The following RBFOX1 variants were observed in gnomAD, a reference collection of about 807,000 sequenced individuals.
RBFOX1 encodes the protein RNA binding protein fox-1 homolog 1.
Under a neutral mutation model 57.7 loss-of-function variants are expected in RBFOX1, and 8 were observed. That is an observed-to-expected ratio of 0.14 (90% CI 0.08 to 0.25). RBFOX1 has a LOEUF of 0.25. Ranked by LOEUF, RBFOX1 falls within the 10% of genes least tolerant of loss-of-function variation. The probability of loss-of-function intolerance (pLI) is 1.00; values close to 1 mark genes in which losing one functional copy is unlikely to be tolerated. For missense variants in RBFOX1, 611 were observed against 548.5 expected, an observed-to-expected ratio of 1.11 and a Z score of -1.14; for synonymous variants, 326 against 222.4, an observed-to-expected ratio of 1.47 and a Z score of -4.15.
chr16:6,908,130 G>T (rs1005312582), intron 3 of RBFOX1, among the ~76,000 whole-genome samples: 1 of 151,706 alleles, frequency 6.6e-6, no homozygotes, highest in African/African-American at 2.4e-5. Context: ...ACATGTTTTG[G>T]AGGGAAACAA....
chr16:7,157,507 C>G (rs1219361391), intron 4 of RBFOX1, among the ~76,000 whole-genome samples: 1 of 152,052 alleles, frequency 6.6e-6, no homozygotes, highest in African/African-American at 2.4e-5. Flanking sequence ...CGTTGGGGGC[C>G]TGTGGAACTA....
At chr16:5,356,852 C>T (rs939844482) in intron 1 of RBFOX1, among the ~76,000 whole-genome samples, 2 of 152,142 alleles carry the variant, frequency 1.3e-5, no homozygotes, top group Admixed American at 1.3e-4. Flanking sequence ...GATAGTAATA[C>T]TATTGATAAT....
At chr16:7,071,035 CA>C (rs1567150949) in intron 4 of RBFOX1, among the ~76,000 whole-genome samples, 1 of 152,080 alleles carries the variant, frequency 6.6e-6, no homozygotes, top group African/African-American at 2.4e-5. Context: ...AAATGAACTT[CA>C]AAAAACAGCA....
chr16:6,860,743 G>C (rs76783038), intron 3 of RBFOX1, among the ~76,000 whole-genome samples: 4,319 of 152,172 alleles, frequency 0.028, 214 homozygotes, highest in East Asian at 0.21. Flanking sequence ...TGCCAGTGTG[G>C]ATAAATCTGA....
chr16:6,332,731 A>G (rs1466073693), intron 2 of RBFOX1, among the ~76,000 whole-genome samples: 2 of 152,084 alleles, frequency 1.3e-5, no homozygotes, highest in Non-Finnish European at 1.5e-5. Context: ...AGTGTATAGG[A>G]GTCTACTGTT....
intron 11 of RBFOX1, among the ~76,000 whole-genome samples, chr16:7,635,358 T>C (rs554853913): frequency 1.3e-5 from 2 of 152,344 alleles, no homozygotes; most frequent in South Asian, 2.1e-4. Flanking sequence ...TTCTTCAGGA[T>C]TTTATGAATA....
intron 3 of RBFOX1, among the ~76,000 whole-genome samples, chr16:6,743,625 C>T (rs940171816): frequency 1.3e-5 from 2 of 151,726 alleles, no homozygotes; most frequent in African/African-American, 4.8e-5. Flanking sequence ...TGTCTGTAGT[C>T]CCAGCTACGT....
chr16:7,227,929 G>C (rs2093252459), intron 4 of RBFOX1, among the ~76,000 whole-genome samples: 1 of 152,208 alleles, frequency 6.6e-6, no homozygotes, highest in African/African-American at 2.4e-5. Flanking sequence ...TTTTTCCACA[G>C]CCAGACAATT....
chr16:6,511,453 T>G (rs1332409884), intron 2 of RBFOX1, among the ~76,000 whole-genome samples: 1 of 152,206 alleles, frequency 6.6e-6, no homozygotes, highest in Non-Finnish European at 1.5e-5. Flanking sequence ...GGCCCTGGAC[T>G]GACATGGGAG....
chr16:7,667,956 G>A (rs1345294422), intron 13 of RBFOX1, among the ~76,000 whole-genome samples: 2 of 152,154 alleles, frequency 1.3e-5, no homozygotes, highest in South Asian at 4.1e-4. Context: ...TTACAGACGT[G>A]AGCCACTGCA....
intron 3 of RBFOX1, among the ~76,000 whole-genome samples, chr16:5,804,404 A>T (rs1222897391): frequency 6.6e-6 from 1 of 152,230 alleles, no homozygotes; most frequent in African/African-American, 2.4e-5. Context: ...GTAATCCAGA[A>T]GGACGTTAGT....
intron 4 of RBFOX1, among the ~76,000 whole-genome samples, chr16:7,445,711 G>A (rs1042460649): frequency 7.2e-5 from 11 of 152,194 alleles, no homozygotes; most frequent in African/African-American, 2.7e-4. Flanking sequence ...TTGTTGTTGT[G>A]TGGTTTTTGT....
At chr16:7,485,478 G>T (rs1221623921) in intron 4 of RBFOX1, among the ~76,000 whole-genome samples, 1 of 152,152 alleles carries the variant, frequency 6.6e-6, no homozygotes, top group Non-Finnish European at 1.5e-5. Context: ...CCTCCCACAT[G>T]TGCTTTTTTT....
intron 2 of RBFOX1, among the ~76,000 whole-genome samples, chr16:5,473,126 C>G (rs998513104): frequency 1.3e-5 from 2 of 152,196 alleles, no homozygotes; most frequent in Non-Finnish European, 2.9e-5. Flanking sequence ...TTGCCCTGTT[C>G]TGTCTTTTCC....
intron 3 of RBFOX1, among the ~76,000 whole-genome samples, chr16:6,909,801 C>T (rs1156507134): frequency 2.0e-5 from 3 of 152,114 alleles, no homozygotes; most frequent in Non-Finnish European, 2.9e-5. Context: ...CTGCAGCCAT[C>T]GGTCTTCTGT....
chr16:7,028,364 G>A (rs2041606992), intron 3 of RBFOX1, among the ~76,000 whole-genome samples: 2 of 151,998 alleles, frequency 1.3e-5, no homozygotes, highest in East Asian at 1.9e-4. Flanking sequence ...TAGATGGGAT[G>A]GATTTTATCT....
intron 2 of RBFOX1, among the ~76,000 whole-genome samples, chr16:6,490,517 T>A (rs919174332): frequency 6.6e-6 from 1 of 152,216 alleles, no homozygotes; most frequent in Non-Finnish European, 1.5e-5. Context: ...AATCTAAATT[T>A]GTACGTTACT....
intron 4 of RBFOX1, among the ~76,000 whole-genome samples, chr16:7,415,524 C>T (rs999879858): frequency 1.3e-5 from 2 of 152,188 alleles, no homozygotes; most frequent in African/African-American, 4.8e-5. Flanking sequence ...GCCCTGGCAT[C>T]CAAACTGGGT....
intron 3 of RBFOX1, among the ~76,000 whole-genome samples, chr16:6,850,945 G>T (rs1567553279): frequency 6.6e-6 from 1 of 152,150 alleles, no homozygotes; most frequent in African/African-American, 2.4e-5. Context: ...AGCTTTATTT[G>T]TAATAATAGC....
Sources: allele counts gnomAD v4.1 joint callset (sites outside exome capture counted in the v4.1 genomes callset), GRCh38; gene constraint gnomAD v4.1.1; transcripts MANE v1.5; gene names NCBI Gene and HGNC (gene_info 2026-07-23, HGNC 2026-07-21).